CDH2: variants seen among roughly 807,000 people sequenced by gnomAD.
CDH2 encodes the protein cadherin 2.
In CDH2, 17 loss-of-function variants were observed where a neutral mutation model predicts 92.0. The ratio of observed to expected loss-of-function variants is 0.18; its 90% CI spans 0.13 to 0.28. The LOEUF is 0.28. CDH2 is among the 10% of genes least tolerant of loss of function. The probability of loss-of-function intolerance (pLI) is 1.00; values close to 1 mark genes in which losing one functional copy is unlikely to be tolerated. For synonymous variants in CDH2, 419 were observed against 415.9 expected (o/e 1.01, Z -0.09); for missense variants, 862 against 1,133.1 (o/e 0.76, Z 3.44).
intron 6 of CDH2, among the ~76,000 whole-genome samples, chr18:27,933,285 AATTT>A (rs1209791233): frequency 6.6e-6 from 1 of 152,172 alleles, no homozygotes; most frequent in Non-Finnish European, 1.5e-5. Context: ...ATATAAAGGG[AATTT>A]ATTTATTTAA....
intron 5 of CDH2, 82 bp downstream of exon 5, chr18:28,009,635 G>T: frequency 1.1e-5 from 13 of 1,227,532 alleles, no homozygotes; most frequent in Non-Finnish European, 1.5e-5. Flanking sequence ...GAGGCTTTCA[G>T]ACTGATATAA....
chr18:28,014,116 T>C (rs565617081), intron 2 of CDH2, among the ~76,000 whole-genome samples: 1 of 152,224 alleles, frequency 6.6e-6, no homozygotes, highest in African/African-American at 2.4e-5. Flanking sequence ...TGCCCTAGCA[T>C]TTCCTTCTTC....
intron 2 of CDH2, among the ~76,000 whole-genome samples, chr18:28,017,926 A>G (rs1007372690): frequency 1.2e-4 from 18 of 152,242 alleles, no homozygotes; most frequent in African/African-American, 4.3e-4. Context: ...GCAATCAGAC[A>G]AGAGAAAGAA....
At chr18:28,142,818 A>T (rs2015976038) in intron 2 of CDH2, among the ~76,000 whole-genome samples, 1 of 152,066 alleles carries the variant, frequency 6.6e-6, no homozygotes, top group African/African-American at 2.4e-5. Flanking sequence ...GTATCAAAAT[A>T]AAAATATACA....
intron 1 of CDH2, among the ~76,000 whole-genome samples, chr18:28,157,914 C>T (rs2144347630): frequency 6.6e-6 from 1 of 152,254 alleles, no homozygotes; most frequent in Non-Finnish European, 1.5e-5. Context: ...CAGTCAATAG[C>T]TATCATGGCT....
At chr18:28,131,211 T>G (rs1394932699) in intron 2 of CDH2, among the ~76,000 whole-genome samples, 3 of 152,202 alleles carry the variant, frequency 2.0e-5, no homozygotes, top group African/African-American at 4.8e-5. Context: ...ATTCACAAAT[T>G]TAGAATTATA....
chr18:28,022,799 T>A lies in CDH2; in HGVS notation c.173-8890A>T, dbSNP rs965753011. On this transcript the variant is annotated intron_variant, in intron 2 of 15. Coordinates refer to ENST00000269141, the MANE Select transcript of CDH2 (RefSeq NM_001792.5). The stretch of plus-strand genomic sequence containing the variant: ...TTTTAGGTTTTCAATATAACACCAA[T>A]AACACAAGTGAATCATTTTTATCCT... 5.9e-5 allele frequency among the ~76,000 whole-genome samples: 9 copies of A among 152,162 alleles called. No homozygotes were observed. In the South Asian group the frequency reaches 6.2e-4, roughly 10 times the overall value.
intron 13 of CDH2, among the ~76,000 whole-genome samples, chr18:27,984,582 CTG>C (rs1472219907): frequency 1.3e-5 from 2 of 152,170 alleles, no homozygotes; most frequent in African/African-American, 4.8e-5. Flanking sequence ...ACGTTGCTGA[CTG>C]TGCTTTATAT....
At position 28,147,796 on chromosome 18, in the gene CDH2, GAA is replaced by G. The variant is rs748046882; in HGVS notation, c.61-14_61-13del. 2,941 of 1,076,100 alleles carry G rather than the reference GAA, an allele frequency of 2.7e-3. No homozygotes were observed. Among genetic ancestry groups the G allele is most frequent in the South Asian group, 4.6e-3 (307 of 66,156 alleles). 66.7% of individuals were successfully genotyped at this position (1,076,100 alleles called of 1,614,324 possible). On this transcript the variant is annotated splice_polypyrimidine_tract_variant and intron_variant, in intron 1 of 15. Transcript: ENST00000269141. ...GCCTCTACAGACGCCTGCAACACAA[GAA>G]AAAAAAAAAAAATGTGTGCAATGAT...
At chr18:28,173,559 C>T (rs2016494945) in intron 1 of CDH2, among the ~76,000 whole-genome samples, 1 of 152,104 alleles carries the variant, frequency 6.6e-6, no homozygotes, top group African/African-American at 2.4e-5. Flanking sequence ...TCTTTAAAAT[C>T]TGTACCTAAT....
intron 1 of CDH2, among the ~76,000 whole-genome samples, chr18:28,175,386 G>A (rs1312613032): frequency 1.3e-5 from 2 of 152,224 alleles, no homozygotes; most frequent in African/African-American, 2.4e-5. Flanking sequence ...ATCCAAGAAA[G>A]GGAAAAGGAA....
At chr18:27,975,894 C>T (rs147671903) in intron 14 of CDH2, among the ~76,000 whole-genome samples, 146 of 152,216 alleles carry the variant, frequency 9.6e-4, no homozygotes, top group African/African-American at 3.3e-3. Context: ...AAGGGCAGGT[C>T]GCTCTCCCCT....
chr18:28,007,164 AAATAT>A lies in CDH2; in HGVS notation c.703-1176_703-1172del, dbSNP rs1413128019. ...AACAGAGTGAGACTCCATAAAAAAA[AAATAT>A]ATATATATATATATATATATATATA... On this transcript the variant is annotated intron_variant, in intron 5 of 15. Transcript: ENST00000269141. 2.2e-4 allele frequency among the ~76,000 whole-genome samples: 29 copies of A among 132,178 alleles called. 2 individuals carry two copies. Among genetic ancestry groups the A allele is most frequent in the African/African-American group, 8.8e-4 (28 of 31,732 alleles). 86.7% of individuals were successfully genotyped at this position (132,178 alleles called of 152,430 possible).
At chr18:28,043,890 ATTTTTTTTTTTTTTT>A (rs67532914) in intron 2 of CDH2, among the ~76,000 whole-genome samples, 17,609 of 92,048 alleles carry the variant, frequency 0.19, 1,747 homozygotes, top group East Asian at 0.47. Flanking sequence ...AGAATCTCGG[ATTTTTTTTTTTTTTT>A]TTTTTTTTTT....
intron 1 of CDH2, among the ~76,000 whole-genome samples, chr18:28,151,660 C>T (rs954827034): frequency 1.3e-5 from 2 of 152,190 alleles, no homozygotes; most frequent in Non-Finnish European, 2.9e-5. Flanking sequence ...AAAGTCATCA[C>T]TCTGCCAGGC....
intron 2 of CDH2, among the ~76,000 whole-genome samples, chr18:28,075,803 T>G (rs567399912): frequency 6.6e-6 from 1 of 152,332 alleles, no homozygotes; most frequent in East Asian, 1.9e-4. Flanking sequence ...CTTAACACCT[T>G]GACCACAGAT....
At chr18:27,990,830 A>G (rs1183447793) in intron 9 of CDH2, among the ~76,000 whole-genome samples, 3 of 152,220 alleles carry the variant, frequency 2.0e-5, no homozygotes, top group Admixed American at 2.0e-4. Flanking sequence ...AAATACAGCT[A>G]AACTTATTTG....
chr18:27,965,563 C>A (rs761261682), intron 14 of CDH2, among the ~76,000 whole-genome samples: 1 of 152,180 alleles, frequency 6.6e-6, no homozygotes, highest in Non-Finnish European at 1.5e-5. Flanking sequence ...ATCATCCATA[C>A]AAAACTTGAG....
At chr18:28,172,220 A>C (rs2016476150) in intron 1 of CDH2, among the ~76,000 whole-genome samples, 1 of 152,134 alleles carries the variant, frequency 6.6e-6, no homozygotes. Flanking sequence ...GCAGAATTTA[A>C]TCTAAATTTT....
Sources: allele counts gnomAD v4.1 joint callset (sites outside exome capture counted in the v4.1 genomes callset), GRCh38; gene constraint gnomAD v4.1.1; transcripts MANE v1.5; gene names NCBI Gene and HGNC (gene_info 2026-07-23, HGNC 2026-07-21).